The following NPAT variants were observed in gnomAD, a reference collection of about 807,000 sequenced individuals.
NPAT encodes the protein protein NPAT.
NPAT carries 52 observed loss-of-function variants against 130.7 expected under a neutral mutation model. That is an observed-to-expected ratio of 0.40 (90% CI 0.32 to 0.50). NPAT has a LOEUF of 0.50. Among genes scored for constraint, NPAT ranks in the 20% least tolerant of loss-of-function variants. The pLI, the probability that NPAT is intolerant of heterozygous loss-of-function variation, is 0.68. For missense variants in NPAT, 1,687 were observed against 1,662.6 expected (o/e 1.01, Z -0.26); for synonymous variants, 580 against 584.8 (o/e 0.99, Z 0.12).
chr11:108,158,089 T>C lies in NPAT; in HGVS notation c.*853A>G, dbSNP rs1053970021. 5.9e-5 allele frequency: 9 copies of C among 152,486 alleles called. No individual in the cohort carries two copies. The South Asian group carries it at 8.3e-4, about 14-fold the overall frequency. The allele number at this position is 152,486 out of a possible 1,614,324, so 9.4% of individuals were successfully genotyped here. ...ACACAAGATTTAAATTATATGTGCA[T>C]TGGTCACTACAATGTAAAGAGTTCT... On this transcript the variant is annotated 3_prime_UTR_variant, in exon 18 of 18. Transcript: ENST00000278612.
At chr11:108,212,399 C>T (rs556260997) in intron 1 of NPAT, among the ~76,000 whole-genome samples, 65 of 151,590 alleles carry the variant, frequency 4.3e-4, no homozygotes, top group African/African-American at 1.5e-3. Context: ...GTGGTGCATG[C>T]CTGTAATGCC....
chr11:108,219,690 A>T (rs1338859122), intron 1 of NPAT, among the ~76,000 whole-genome samples: 1 of 152,142 alleles, frequency 6.6e-6, no homozygotes, highest in Non-Finnish European at 1.5e-5. Flanking sequence ...GTTGCAGAAA[A>T]ATGTCAATAT....
chr11:108,207,098 A>T (rs1229289148), intron 1 of NPAT, among the ~76,000 whole-genome samples: 2 of 152,234 alleles, frequency 1.3e-5, no homozygotes, highest in African/African-American at 2.4e-5. Flanking sequence ...TCCTTTCTGC[A>T]GGCAGGTTGT....
chr11:108,211,327 A>G (rs1008496316), intron 1 of NPAT, among the ~76,000 whole-genome samples: 1 of 151,646 alleles, frequency 6.6e-6, no homozygotes, highest in Non-Finnish European at 1.5e-5. Flanking sequence ...GGATTGCTTG[A>G]GCTCAGGAGT....
intron 13 of NPAT, chr11:108,170,269 C>T (rs2077938497): frequency 1.0e-5 from 5 of 495,008 alleles, no homozygotes; most frequent in Non-Finnish European, 1.8e-5. Context: ...AAAGTCAATC[C>T]AAATATTAAG....
At chr11:108,214,248 T>C (rs1167760971) in intron 1 of NPAT, among the ~76,000 whole-genome samples, 2 of 152,188 alleles carry the variant, frequency 1.3e-5, no homozygotes, top group East Asian at 1.9e-4. Context: ...ATATGGCATA[T>C]TCATATAATG....
intron 3 of NPAT, among the ~76,000 whole-genome samples, chr11:108,193,037 G>A (rs2078186446): frequency 6.6e-6 from 1 of 152,070 alleles, no homozygotes; most frequent in South Asian, 2.1e-4. Flanking sequence ...CACAGACAAT[G>A]TCAAAAAATG....
At chr11:108,162,442 T>C (rs2077860988) in intron 15 of NPAT, among the ~76,000 whole-genome samples, 1 of 152,166 alleles carries the variant, frequency 6.6e-6, no homozygotes. Flanking sequence ...TGTTTGTCTG[T>C]TTTTCTGAGA....
At position 108,177,045 on chromosome 11, in the gene NPAT, G is replaced by T; in HGVS notation, c.952C>A (p.Gln318Lys). The T allele has an allele frequency of 6.2e-7, 1 of 1,613,394 alleles. No homozygotes were observed. Among genetic ancestry groups the T allele is most frequent in the Non-Finnish European group, 8.5e-7 (1 of 1,179,500 alleles). Residue 318 changes from glutamine to lysine, a missense_variant, in exon 11 of 18, where the codon CAG becomes AAG. Physicochemically the swap from Gln to Lys is moderately conservative, Grantham distance 53 (BLOSUM62 1). This residue lies in a region of NPAT where 1,379 missense variants were observed against 1,346.6 expected (regional missense o/e 1.02). Coordinates refer to ENST00000278612, the MANE Select transcript of NPAT (RefSeq NM_002519.3). The stretch of plus-strand genomic sequence containing the variant: ...TGAAATGCTGGGTCTGATTCTGTCT[G>T]TTCCAATATGTCCTGTATAGCTTCT... The part of the protein sequence containing the change: ...SEEAIQDILE[Q>K]TESDPAFQAL...
At chr11:108,209,931 C>T (rs1039418431) in intron 1 of NPAT, among the ~76,000 whole-genome samples, 1 of 144,556 alleles carries the variant, frequency 6.9e-6, no homozygotes, top group Non-Finnish European at 1.5e-5. Flanking sequence ...ACCACATCAT[C>T]TACCTTAAGA....
intron 15 of NPAT, among the ~76,000 whole-genome samples, chr11:108,166,404 A>T (rs1324854887): frequency 1.3e-5 from 2 of 152,170 alleles, no homozygotes; most frequent in Non-Finnish European, 2.9e-5. Context: ...AAAAAAATAA[A>T]AAAATAAATA....
At position 108,172,783 on chromosome 11, in the gene NPAT, G is replaced by A. The variant is rs1477286116; in HGVS notation, c.2201C>T (p.Ala734Val). Reference sequence around the variant, plus strand: ...AACTTTGAGAGAGACGATATTTGATGCATCTATCTCTGCTGAGTTGTTGCT... The same window carrying A: ...AACTTTGAGAGAGACGATATTTGATACATCTATCTCTGCTGAGTTGTTGCT... ...PSSNNSAEID[A>V]SNIVSLKVII... is the part of the protein sequence containing the mutation. Residue 734 changes from alanine (A) to valine (V), a missense_variant, in exon 13 of 18, where the codon GCA becomes GTA. Physicochemically the swap from Ala to Val is moderately conservative, Grantham distance 64. Around this residue, in one of 3 missense-constraint regions of NPAT, gnomAD observed 1,379 missense variants for 1,346.6 expected, o/e 1.02. Coordinates refer to ENST00000278612, the MANE Select transcript of NPAT (RefSeq NM_002519.3). 2 of 1,613,468 alleles carry A rather than the reference G, an allele frequency of 1.2e-6. No individual in the cohort carries two copies. Among genetic ancestry groups the A allele is most frequent in the Non-Finnish European group, 1.7e-6 (2 of 1,179,900 alleles).
intron 1 of NPAT, among the ~76,000 whole-genome samples, chr11:108,221,474 G>A (rs1481316094): frequency 6.6e-6 from 1 of 152,192 alleles, no homozygotes; most frequent in African/African-American, 2.4e-5. Flanking sequence ...ATGGATGGTG[G>A]AACCATTTCC....
Position 108,160,736 on chromosome 11 carries a change from T to C in NPAT, c.4206+144A>G, listed in dbSNP as rs2077838480. The C allele has an allele frequency of 4.3e-5, 31 of 726,124 alleles. 2 individuals are homozygous for C. Among genetic ancestry groups the C allele is most frequent in the South Asian group, 4.0e-4 (23 of 57,298 alleles). The allele number at this position is 726,124 out of a possible 1,614,324, so 45.0% of individuals were successfully genotyped here. A position where few individuals can be genotyped will look rare whatever the true frequency, so the allele number is the denominator to read the frequency against. On this transcript the variant is annotated intron_variant, in intron 17 of 17. Coordinates refer to ENST00000278612, the MANE Select transcript of NPAT (RefSeq NM_002519.3). ...CTACTGCTTATTGGTCCTGTGATCA[T>C]GGTTATGTATTTTGTCAATGAAAAC...
chr11:108,190,622 C>A lies in NPAT; in HGVS notation c.291-122G>T, dbSNP rs552892790. On this transcript the variant is annotated intron_variant, in intron 4 of 17. Transcript: ENST00000278612. ...TAAAAGGCAAAAAATCTCTCTCAGA[C>A]AAAAAAGACAAACACACACATTTTT... 417 of 798,982 alleles carry A rather than the reference C, an allele frequency of 5.2e-4. 1 individual carries two copies. In the African/African-American group the frequency reaches 6.1e-3, roughly 12 times the overall value. The allele number at this position is 798,982 out of a possible 1,614,324, so 49.5% of individuals were successfully genotyped here. A position where few individuals can be genotyped will look rare whatever the true frequency, so the allele number is the denominator to read the frequency against.
At chr11:108,217,186 CGT>C (rs1243956417) in intron 1 of NPAT, among the ~76,000 whole-genome samples, 2 of 152,116 alleles carry the variant, frequency 1.3e-5, no homozygotes, top group African/African-American at 2.4e-5. Context: ...TGTACGTGGG[CGT>C]GTGAGTGCTC....
chr11:108,189,117 T>G lies in NPAT; in HGVS notation c.545A>C (p.Asp182Ala). Reference sequence around the variant, plus strand: ...AAATGTAAACTTACTGGTTACAGTATCTTGTGACTGTGAGTGGTTGACCAC... The same window carrying G: ...AAATGTAAACTTACTGGTTACAGTAGCTTGTGACTGTGAGTGGTTGACCAC... ...FVVVNHSQSQ[D>A]TVTTGEALNV... Residue 182 changes from aspartate (D) to alanine (A), a missense_variant, in exon 6 of 18, where the codon GAT becomes GCT. This residue lies in a region of NPAT where 307 missense variants were observed against 298.9 expected (regional missense o/e 1.03). Coordinates refer to ENST00000278612, the MANE Select transcript of NPAT (RefSeq NM_002519.3). The G allele has an allele frequency of 6.2e-7, 1 of 1,613,424 alleles. No homozygotes were observed. The highest frequency in any genetic ancestry group is 8.5e-7 in the Non-Finnish European group (1 of 1,179,468).
intron 1 of NPAT, among the ~76,000 whole-genome samples, chr11:108,199,646 T>C (rs2078256110): frequency 6.6e-6 from 1 of 152,178 alleles, no homozygotes; most frequent in Non-Finnish European, 1.5e-5. Flanking sequence ...ACAGGCTTGC[T>C]GGGGAAGATT....
At chr11:108,206,809 C>T (rs148753515) in intron 1 of NPAT, among the ~76,000 whole-genome samples, 3,034 of 152,292 alleles carry the variant, frequency 0.02, 38 homozygotes, top group Non-Finnish European at 0.031. Context: ...GTGCTCAAGG[C>T]GGAGAGGAGC....
Sources: gnomAD v4.1 joint callset for allele counts (sites outside exome capture counted in the v4.1 genomes callset) on GRCh38, gnomAD v4.1.1 for gene constraint, gnomAD v4.1.1 regional missense constraint, MANE v1.5 for transcripts, NCBI Gene and HGNC (gene_info 2026-07-23, HGNC 2026-07-21) for gene names.